Variants in MIR2052HG observed in about 807,000 individuals in gnomAD.
The protein encoded by MIR2052HG is MIR2052 host gene.
At chr8:74,622,330 G>A (rs1808373357) in intron 2 of MIR2052HG, among the ~76,000 whole-genome samples, 1 of 152,228 alleles carries the variant, frequency 6.6e-6, no homozygotes, top group Admixed American at 6.5e-5. Flanking sequence ...TTGGCTGGGT[G>A]TGGTGGCTCA....
intron 2 of MIR2052HG, among the ~76,000 whole-genome samples, chr8:74,617,644 T>C (rs545611709): frequency 6.6e-6 from 1 of 152,172 alleles, no homozygotes; most frequent in African/African-American, 2.4e-5. Context: ...TACTTTGTTA[T>C]TGTGAATAGT....
At chr8:74,648,383 A>G (rs1294810034) in intron 2 of MIR2052HG, among the ~76,000 whole-genome samples, 1 of 151,970 alleles carries the variant, frequency 6.6e-6, no homozygotes, top group Non-Finnish European at 1.5e-5. Context: ...CTGCTCTCGA[A>G]CTCTGTTTCC....
At chr8:74,683,713 AG>A (rs1292726562) in intron 2 of MIR2052HG, among the ~76,000 whole-genome samples, 2 of 152,096 alleles carry the variant, frequency 1.3e-5, no homozygotes, top group African/African-American at 4.8e-5. Flanking sequence ...AAAACACCTA[AG>A]GGCTGTGTTA....
chr8:74,692,844 G>C (rs1016008135), intron 2 of MIR2052HG, among the ~76,000 whole-genome samples: 1 of 151,996 alleles, frequency 6.6e-6, no homozygotes, highest in South Asian at 2.1e-4. Context: ...TGCCAACTCT[G>C]TCAAGGTTAT....
rs530873337 is a variant in MIR2052HG, at chr8:74,641,461, A to G, written n.216+28521A>G. On this transcript the variant is annotated intron_variant and non_coding_transcript_variant, in intron 2 of 6. Coordinates refer to ENST00000523442, the Ensembl canonical transcript of MIR2052HG. The stretch of plus-strand genomic sequence containing the variant: ...TCTTCCATTTGCTTTGGTTAAGAAA[A>G]AAAAGAAGCTCATTTTTTTCTTCTT... Among the ~76,000 whole-genome samples, 6 of 152,320 alleles carry G rather than the reference A, an allele frequency of 3.9e-5. 1 individual carries two copies. Among genetic ancestry groups the G allele is most frequent in the African/African-American group, 1.4e-4 (6 of 41,570 alleles).
chr8:74,651,516 C>G (rs1808752384), intron 2 of MIR2052HG, among the ~76,000 whole-genome samples: 1 of 151,930 alleles, frequency 6.6e-6, no homozygotes, highest in Non-Finnish European at 1.5e-5. Context: ...AATCTTAAAA[C>G]TATGGAAAAT....
intron 4 of MIR2052HG, among the ~76,000 whole-genome samples, chr8:74,743,992 A>G (rs1273806469): frequency 2.0e-5 from 3 of 152,238 alleles, no homozygotes; most frequent in African/African-American, 7.2e-5. Context: ...TAAGATAATT[A>G]TGTTTCAAAT....
intron 4 of MIR2052HG, among the ~76,000 whole-genome samples, chr8:74,752,132 A>C (rs1809953140): frequency 6.6e-6 from 1 of 151,882 alleles, no homozygotes; most frequent in African/African-American, 2.4e-5. Context: ...AAATTTAAAA[A>C]TTAGCTGGGC....
intron 4 of MIR2052HG, among the ~76,000 whole-genome samples, chr8:74,720,891 A>T (rs560682122): frequency 2.0e-5 from 3 of 152,266 alleles, no homozygotes; most frequent in Non-Finnish European, 4.4e-5. Context: ...CTTTTAAACC[A>T]TCAGATCTTA....
At chr8:74,600,104 G>A (rs191405747) in intron 1 of MIR2052HG, among the ~76,000 whole-genome samples, 112 of 152,244 alleles carry the variant, frequency 7.4e-4, no homozygotes, top group Non-Finnish European at 4.6e-4. Flanking sequence ...GGTGTGCACA[G>A]CCACTGACCT....
chr8:74,664,797 C>T (rs991439363), intron 2 of MIR2052HG, among the ~76,000 whole-genome samples: 6 of 152,162 alleles, frequency 3.9e-5, no homozygotes, highest in Non-Finnish European at 8.8e-5. Context: ...GGATTACAGG[C>T]GTGAGCCACT....
chr8:74,694,334 C>T (rs1390918448), intron 2 of MIR2052HG, among the ~76,000 whole-genome samples: 1 of 152,152 alleles, frequency 6.6e-6, no homozygotes, highest in Non-Finnish European at 1.5e-5. Context: ...AGGGAGCAAC[C>T]CATGGAACAA....
intron 2 of MIR2052HG, among the ~76,000 whole-genome samples, chr8:74,645,627 C>T (rs1808683650): frequency 6.6e-6 from 1 of 152,224 alleles, no homozygotes; most frequent in Non-Finnish European, 1.5e-5. Context: ...GAGATCTGAT[C>T]TCACCTGGAA....
At chr8:74,697,037 C>G (rs1228088318) in intron 2 of MIR2052HG, among the ~76,000 whole-genome samples, 1 of 152,024 alleles carries the variant, frequency 6.6e-6, no homozygotes, top group Non-Finnish European at 1.5e-5. Flanking sequence ...AAGAAAACTA[C>G]AGACTAATAT....
At chr8:74,732,402 G>A (rs1809701691) in intron 4 of MIR2052HG, among the ~76,000 whole-genome samples, 1 of 152,078 alleles carries the variant, frequency 6.6e-6, no homozygotes, top group Admixed American at 6.6e-5. Flanking sequence ...TCTAGGGTTG[G>A]TCATGGTAGA....
At chr8:74,623,532 T>A (rs1187653945) in intron 2 of MIR2052HG, among the ~76,000 whole-genome samples, 3 of 152,228 alleles carry the variant, frequency 2.0e-5, no homozygotes, top group African/African-American at 7.2e-5. Flanking sequence ...TTTTTAATTT[T>A]AAATTTTATT....
chr8:74,728,601 TA>T (rs1201925844), intron 4 of MIR2052HG, among the ~76,000 whole-genome samples: 1 of 152,162 alleles, frequency 6.6e-6, no homozygotes, highest in Non-Finnish European at 1.5e-5. Flanking sequence ...GGATTAAGTA[TA>T]GGGGCCAGGT....
At position 74,662,333 on chromosome 8, in the gene MIR2052HG, G is replaced by T. The variant is rs1253757849; in HGVS notation, n.217-40046G>T. Among the ~76,000 whole-genome samples the T allele has an allele frequency of 2.0e-5, 3 of 151,734 alleles. No individual in the cohort carries two copies. In the South Asian group the frequency reaches 6.2e-4, roughly 32 times the overall value. On this transcript the variant is annotated intron_variant and non_coding_transcript_variant, in intron 2 of 6. Transcript: ENST00000523442. ...ATTCCAAGGACATTGTAAAATTTCA[G>T]CCTCTAGAAGAAGAGTGGATCCAGC...
At chr8:74,709,218 T>C (rs1440060433) in intron 4 of MIR2052HG, among the ~76,000 whole-genome samples, 3 of 152,128 alleles carry the variant, frequency 2.0e-5, no homozygotes, top group Non-Finnish European at 2.9e-5. Context: ...AGGAATGTAG[T>C]AAGTGAATTG....
Sources: gnomAD v4.1 joint callset for allele counts (sites outside exome capture counted in the v4.1 genomes callset) on GRCh38, gnomAD v4.1.1 for gene constraint, MANE v1.5 for transcripts, NCBI Gene and HGNC (gene_info 2026-07-23, HGNC 2026-07-21) for gene names.